The following GALK2 variants were observed in gnomAD, a reference collection of about 807,000 sequenced individuals.
GALK2 encodes the protein galactokinase 2, also known as N-acetylgalactosamine kinase.
Under a neutral mutation model 52.4 loss-of-function variants are expected in GALK2, and 36 were observed. The ratio of observed to expected loss-of-function variants is 0.69; its 90% CI spans 0.53 to 0.91. The LOEUF (loss-of-function observed/expected upper bound fraction) is 0.91. Among genes scored for constraint, GALK2 ranks in the 40% least tolerant of loss-of-function variants. GALK2 has a pLI of 0.00. For missense variants in GALK2, 579 were observed against 559.1 expected, an observed-to-expected ratio of 1.04 and a Z score of -0.36; for synonymous variants, 176 against 199.1, an observed-to-expected ratio of 0.88 and a Z score of 0.98.
intron 5 of GALK2, among the ~76,000 whole-genome samples, chr15:49,247,670 AG>A (rs2091416517): frequency 6.6e-6 from 1 of 152,228 alleles, no homozygotes; most frequent in Non-Finnish European, 1.5e-5. Flanking sequence ...AAAATGTTAA[AG>A]GAAGGAAAGG....
chr15:49,191,182 G>C (rs527458909), intron 1 of GALK2, among the ~76,000 whole-genome samples: 113 of 152,154 alleles, frequency 7.4e-4, no homozygotes, highest in Non-Finnish European at 1.5e-3. Context: ...TTCCTATTAA[G>C]GGAGGAATAG....
intron 1 of GALK2, among the ~76,000 whole-genome samples, chr15:49,157,342 A>T (rs2084493406): frequency 6.6e-6 from 1 of 152,208 alleles, no homozygotes; most frequent in African/African-American, 2.4e-5. Context: ...TCCCAAATAA[A>T]GGCACATAGG....
intron 3 of GALK2, chr15:49,365,751 C>G: frequency 1.2e-6 from 1 of 866,492 alleles, no homozygotes; most frequent in Non-Finnish European, 2.0e-6. Flanking sequence ...TCCAAGCCCA[C>G]CTGTCTTCAT....
At chr15:49,346,321 A>G (rs934489763) in intron 3 of GALK2, among the ~76,000 whole-genome samples, 1 of 152,182 alleles carries the variant, frequency 6.6e-6, no homozygotes, top group South Asian at 2.1e-4. Flanking sequence ...ACGATTTTCT[A>G]TACATATGTC....
intron 1 of GALK2, among the ~76,000 whole-genome samples, chr15:49,160,374 C>G (rs1175783593): frequency 6.6e-6 from 1 of 152,116 alleles, no homozygotes; most frequent in Non-Finnish European, 1.5e-5. Context: ...ATTGGAAGAG[C>G]CTTTAATGAT....
chr15:49,226,761 G>A (rs1464457277), intron 3 of GALK2: 1 of 152,102 alleles, frequency 6.6e-6, no homozygotes, highest in Non-Finnish European at 1.5e-5. Flanking sequence ...ATATTCCATA[G>A]ATTTTGGTAT....
At chr15:49,157,247 T>A (rs2084489503) in intron 1 of GALK2, among the ~76,000 whole-genome samples, 1 of 152,234 alleles carries the variant, frequency 6.6e-6, no homozygotes, top group African/African-American at 2.4e-5. Context: ...TATGTGATAG[T>A]GAAAGTAAAA....
chr15:49,285,980 G>A (rs1398437696), intron 7 of GALK2, among the ~76,000 whole-genome samples: 1 of 152,078 alleles, frequency 6.6e-6, no homozygotes, highest in Non-Finnish European at 1.5e-5. Context: ...CCAGCCATGA[G>A]ACTCATTCTC....
intron 1 of GALK2, among the ~76,000 whole-genome samples, chr15:49,163,623 A>C (rs2084725600): frequency 6.6e-6 from 1 of 152,240 alleles, no homozygotes; most frequent in African/African-American, 2.4e-5. Context: ...TTTGTCAAAA[A>C]TCCAATGACA....
At chr15:49,161,355 C>T (rs1014238911) in intron 1 of GALK2, among the ~76,000 whole-genome samples, 6 of 152,158 alleles carry the variant, frequency 3.9e-5, no homozygotes, top group African/African-American at 1.4e-4. Flanking sequence ...CTAATAAGTG[C>T]TAGTTGGATA....
At chr15:49,331,996 T>G, downstream of GALK2, 2 of 619,322 alleles carry the variant, frequency 3.2e-6, no homozygotes, top group Non-Finnish European at 5.8e-6. Context: ...TTAAAACTTC[T>G]GAAGTAGGTA....
chr15:49,195,218 C>G (rs140166165), intron 1 of GALK2: 1 of 390,412 alleles, frequency 2.6e-6, no homozygotes, highest in Non-Finnish European at 5.0e-6. Flanking sequence ...ATTACAGGTG[C>G]GTGCCACCAT....
chr15:49,333,759 A>G (rs776011872), downstream of GALK2, among the ~76,000 whole-genome samples: 5 of 152,238 alleles, frequency 3.3e-5, no homozygotes, highest in Non-Finnish European at 7.4e-5. Context: ...CTTATTCTGC[A>G]CGTGCTTACG....
chr15:49,244,103 AATTATT>A (rs944692398), intron 5 of GALK2, among the ~76,000 whole-genome samples: 1 of 151,890 alleles, frequency 6.6e-6, no homozygotes, highest in Non-Finnish European at 1.5e-5. Flanking sequence ...AGTTATTAGA[AATTATT>A]ATTATTATTA....
In GALK2 at chr15:49,204,302, T is replaced by A. The variant is rs939088565; in HGVS notation, c.142+3052T>A. Reference sequence around the variant, plus strand: ...TTCTTCTTCTTCTTCTTTTATTTTTTTTTTTGGCTCAGGATTGCTTTGGTT... The same window carrying A: ...TTCTTCTTCTTCTTCTTTTATTTTTATTTTTGGCTCAGGATTGCTTTGGTT... On this transcript the variant is annotated intron_variant, in intron 2 of 9. Coordinates refer to ENST00000560031, the MANE Select transcript of GALK2 (RefSeq NM_002044.4). Among the ~76,000 whole-genome samples the A allele has an allele frequency of 6.6e-5, 10 of 152,070 alleles. No individual in the cohort carries two copies. The East Asian group carries it at 1.2e-3, about 18-fold the overall frequency.
At chr15:49,282,720 A>C (rs942048770) in intron 6 of GALK2, among the ~76,000 whole-genome samples, 5 of 152,132 alleles carry the variant, frequency 3.3e-5, no homozygotes, top group Non-Finnish European at 1.5e-5. Flanking sequence ...CATTTCTTTA[A>C]AACATTTTCT....
chr15:49,367,617 G>A (rs754227723), exon 4 of GALK2: 33 of 1,536,040 alleles, frequency 2.1e-5, no homozygotes, highest in Non-Finnish European at 2.9e-5. Flanking sequence ...GACTGTAAGA[G>A]GAAGAAAATA....
rs1466936518 is a variant in GALK2 at position 49,329,245 on chromosome 15, C to G, written c.*1086C>G. 1.5e-5 allele frequency: 15 copies of G among 985,304 alleles called. No homozygotes were observed. The highest frequency in any genetic ancestry group is 1.8e-5 in the Non-Finnish European group (15 of 829,994). 61.0% of individuals were successfully genotyped at this position (985,304 alleles called of 1,614,324 possible). A position where few individuals can be genotyped will look rare whatever the true frequency, so the allele number is the denominator to read the frequency against. ...TTGATGGGTATCTCTGTATGTATAT[C>G]AAGAGTGGGCAGAAATGTTTGGCTG... On this transcript the variant is annotated 3_prime_UTR_variant, in exon 10 of 10. Coordinates refer to ENST00000560031, the MANE Select transcript of GALK2 (RefSeq NM_002044.4).
At chr15:49,334,134 A>G, downstream of GALK2, 1 of 361,412 alleles carries the variant, frequency 2.8e-6, no homozygotes, top group Non-Finnish European at 3.9e-6. Context: ...TTAACTAGAA[A>G]ACTTTTGCAG....
Sources: allele counts gnomAD v4.1 joint callset (sites outside exome capture counted in the v4.1 genomes callset), GRCh38; gene constraint gnomAD v4.1.1; transcripts MANE v1.5; gene names NCBI Gene and HGNC (gene_info 2026-07-23, HGNC 2026-07-21).